Variants in CDKAL1 observed in about 807,000 individuals in gnomAD.
CDKAL1 encodes threonylcarbamoyladenosine tRNA methylthiotransferase.
In CDKAL1, 32 loss-of-function variants were observed where a neutral mutation model predicts 68.2. The observed-to-expected ratio is 0.47, with a 90% confidence interval of 0.35 to 0.63. The LOEUF (loss-of-function observed/expected upper bound fraction) is 0.63, where lower values mean the gene tolerates loss of function less well. CDKAL1 is among the 30% of genes least tolerant of loss of function. CDKAL1 has a pLI of 0.00. For synonymous variants in CDKAL1, 234 were observed against 244.3 expected, an observed-to-expected ratio of 0.96 and a Z score of 0.39; for missense variants, 606 against 696.7, an observed-to-expected ratio of 0.87 and a Z score of 1.47.
At position 21,221,481 on chromosome 6, in the gene CDKAL1, G is replaced by C. The variant is rs761237897; in HGVS notation, c.1549-9367G>C. 3.7e-4 allele frequency among the ~76,000 whole-genome samples: 57 copies of C among 152,224 alleles called. No homozygotes were observed. The Middle Eastern group carries it at 0.01, about 27-fold the overall frequency. Reference sequence around the variant, plus strand: ...GGGCTCCAGCAGTCCACCCACCTTGGCCTCCCAAAATGCTGGGATTACAGG... The same window carrying C: ...GGGCTCCAGCAGTCCACCCACCTTGCCCTCCCAAAATGCTGGGATTACAGG... On this transcript the variant is annotated intron_variant, in intron 15 of 15. Transcript: ENST00000274695.
chr6:21,048,349 A>G, intron 11 of CDKAL1, among the ~76,000 whole-genome samples: 1 of 152,178 alleles, frequency 6.6e-6, no homozygotes, highest in East Asian at 1.9e-4. Context: ...GGAAAACTGA[A>G]TTTAAAACAA....
intron 12 of CDKAL1, among the ~76,000 whole-genome samples, chr6:21,107,816 T>C (rs1316092107): frequency 6.6e-6 from 1 of 152,246 alleles, no homozygotes; most frequent in Non-Finnish European, 1.5e-5. Context: ...GTATAACTCA[T>C]ACATTCATTT....
rs189366813 is a variant in CDKAL1, at chr6:20,627,668, A to G, written c.287-21625A>G. ...GGAATTACGTTAAAGTTATATATCA[A>G]TTTGAGAAGAATTGATATCTTTACT... On this transcript the variant is annotated intron_variant, in intron 4 of 15. Transcript: ENST00000274695. Among the ~76,000 whole-genome samples, 642 of 152,312 alleles carry G rather than the reference A, an allele frequency of 4.2e-3. 1 individual carries two copies. The highest frequency in any genetic ancestry group is 6.5e-3 in the Non-Finnish European group (444 of 68,016).
At chr6:21,052,321 C>A (rs912213762) in intron 11 of CDKAL1, among the ~76,000 whole-genome samples, 1 of 151,936 alleles carries the variant, frequency 6.6e-6, no homozygotes, top group Non-Finnish European at 1.5e-5. Context: ...TTATTCCTGG[C>A]CTTTTATTTT....
intron 6 of CDKAL1, among the ~76,000 whole-genome samples, chr6:20,754,627 C>T (rs1774090637): frequency 6.6e-6 from 1 of 152,034 alleles, no homozygotes; most frequent in Non-Finnish European, 1.5e-5. Context: ...AGATTATTTT[C>T]CCATTTTTAA....
At chr6:21,043,648 TGCC>T (rs1357131621) in intron 11 of CDKAL1, among the ~76,000 whole-genome samples, 1 of 152,274 alleles carries the variant, frequency 6.6e-6, no homozygotes, top group Non-Finnish European at 1.5e-5. Flanking sequence ...TGGCATTACA[TGCC>T]TTTGCATTTT....
At chr6:21,140,275 T>C (rs1775828991) in intron 13 of CDKAL1, among the ~76,000 whole-genome samples, 1 of 152,342 alleles carries the variant, frequency 6.6e-6, no homozygotes, top group Admixed American at 6.5e-5. Context: ...AGGCTAGTAG[T>C]TGACATTGAA....
intron 5 of CDKAL1, among the ~76,000 whole-genome samples, chr6:20,687,650 T>G (rs1770687647): frequency 2.0e-5 from 3 of 152,084 alleles, no homozygotes; most frequent in Non-Finnish European, 1.5e-5. Flanking sequence ...GTGATCCTCC[T>G]GAGTAACTGG....
At chr6:20,896,858 T>A (rs1761715837) in intron 9 of CDKAL1, among the ~76,000 whole-genome samples, 1 of 152,204 alleles carries the variant, frequency 6.6e-6, no homozygotes, top group South Asian at 2.1e-4. Flanking sequence ...AAGAGAGCTG[T>A]GACCTTGGAA....
intron 11 of CDKAL1, among the ~76,000 whole-genome samples, chr6:21,053,201 G>C (rs1280737598): frequency 6.6e-6 from 1 of 152,176 alleles, no homozygotes; most frequent in African/African-American, 2.4e-5. Flanking sequence ...TCGTCTTCTA[G>C]ATATTTCTTA....
At chr6:20,719,247 C>G (rs960207329) in intron 5 of CDKAL1, among the ~76,000 whole-genome samples, 29 of 152,210 alleles carry the variant, frequency 1.9e-4, no homozygotes, top group African/African-American at 6.3e-4. Context: ...CCTCAGTCTT[C>G]TCAATGGTTT....
intron 13 of CDKAL1, among the ~76,000 whole-genome samples, chr6:21,166,019 G>A (rs891100550): frequency 9.9e-5 from 15 of 152,140 alleles, no homozygotes; most frequent in African/African-American, 3.4e-4. Context: ...TGTAGTTCCC[G>A]AATCATCAGA....
intron 13 of CDKAL1, among the ~76,000 whole-genome samples, chr6:21,145,008 C>T (rs1776098835): frequency 6.6e-6 from 1 of 152,088 alleles, no homozygotes. Flanking sequence ...TTCTGCTTTG[C>T]TAGGCTTGAG....
chr6:20,685,942 C>A (rs1770598903), intron 5 of CDKAL1, among the ~76,000 whole-genome samples: 1 of 152,088 alleles, frequency 6.6e-6, no homozygotes, highest in African/African-American at 2.4e-5. Context: ...GTTATTCCTT[C>A]ATTTTGGGAG....
chr6:20,921,018 A>G (rs1342157686), intron 9 of CDKAL1, among the ~76,000 whole-genome samples: 1 of 152,014 alleles, frequency 6.6e-6, no homozygotes, highest in Non-Finnish European at 1.5e-5. Context: ...TATTAGATAA[A>G]AAAAGCTTCC....
chr6:20,716,454 T>C (rs1772098507), intron 5 of CDKAL1, among the ~76,000 whole-genome samples: 1 of 152,046 alleles, frequency 6.6e-6, no homozygotes, highest in Non-Finnish European at 1.5e-5. Flanking sequence ...GTGGCTTGGA[T>C]GAGTGTGGTG....
At chr6:20,974,195 C>T (rs973212107) in intron 10 of CDKAL1, among the ~76,000 whole-genome samples, 2 of 152,180 alleles carry the variant, frequency 1.3e-5, no homozygotes, top group African/African-American at 4.8e-5. Context: ...ATGTTAGCAT[C>T]CCAGGCTGCA....
At chr6:20,650,985 C>A (rs547610347) in intron 5 of CDKAL1, among the ~76,000 whole-genome samples, 1 of 152,074 alleles carries the variant, frequency 6.6e-6, no homozygotes, top group Non-Finnish European at 1.5e-5. Flanking sequence ...AGTTGGGTAG[C>A]GCGATGCCCC....
At chr6:21,150,411 T>C (rs1415876591) in intron 13 of CDKAL1, among the ~76,000 whole-genome samples, 1 of 152,208 alleles carries the variant, frequency 6.6e-6, no homozygotes, top group Non-Finnish European at 1.5e-5. Context: ...TTTCCTTTAG[T>C]GCAGGGCCGT....
Sources: allele counts gnomAD v4.1 joint callset (sites outside exome capture counted in the v4.1 genomes callset), GRCh38; gene constraint gnomAD v4.1.1; transcripts MANE v1.5; gene names NCBI Gene and HGNC (gene_info 2026-07-23, HGNC 2026-07-21).